Variants in CAPSL observed in about 807,000 individuals in gnomAD.
CAPSL encodes calcyphosin-like protein.
Under a neutral mutation model 21.3 loss-of-function variants are expected in CAPSL, and 17 were observed. That is an observed-to-expected ratio of 0.80 (90% CI 0.55 to 1.20). The LOEUF (loss-of-function observed/expected upper bound fraction) is 1.20. Ranked by LOEUF, CAPSL falls within the 50% of genes most tolerant of loss-of-function variation. The pLI is 0.00. For synonymous variants in CAPSL, 102 were observed against 89.3 expected (o/e 1.14, Z -0.80); for missense variants, 289 against 259.3 (o/e 1.11, Z -0.79).
intron 2 of CAPSL, 47 bp downstream of exon 2, chr5:35,920,937 G>A (rs148224785): frequency 6.3e-7 from 1 of 1,597,104 alleles, no homozygotes; most frequent in Non-Finnish European, 8.5e-7. Flanking sequence ...ACCTGGCAGA[G>A]TCATTCCTTC....
chr5:35,916,794 C>T (rs1013731265), intron 2 of CAPSL, among the ~76,000 whole-genome samples: 7 of 152,182 alleles, frequency 4.6e-5, no homozygotes, highest in Admixed American at 2.0e-4. Context: ...CCATTCAGGA[C>T]ATAGGCATGG....
intron 1 of CAPSL, among the ~76,000 whole-genome samples, chr5:35,921,673 T>G (rs1379902533): frequency 6.6e-6 from 1 of 152,120 alleles, no homozygotes; most frequent in African/African-American, 2.4e-5. Context: ...TGAAGTGCTG[T>G]CTCCTGAGTG....
intron 2 of CAPSL, among the ~76,000 whole-genome samples, chr5:35,918,409 G>A (rs1443816245): frequency 6.6e-6 from 1 of 152,134 alleles, no homozygotes; most frequent in African/African-American, 2.4e-5. Context: ...GTTCAACAAT[G>A]AGATTACGTG....
intron 2 of CAPSL, among the ~76,000 whole-genome samples, chr5:35,920,675 A>G (rs747064054): frequency 6.6e-6 from 1 of 152,140 alleles, no homozygotes; most frequent in East Asian, 1.9e-4. Flanking sequence ...AGCTGCAGAG[A>G]GAGTCCCTCT....
chr5:35,908,739 C>T (rs1738105748), intron 4 of CAPSL, among the ~76,000 whole-genome samples: 1 of 152,208 alleles, frequency 6.6e-6, no homozygotes, highest in Non-Finnish European at 1.5e-5. Context: ...CCTGCCTCCA[C>T]AATCCTCAGC....
At chr5:35,931,488 G>C (rs923418347) in intron 1 of CAPSL, among the ~76,000 whole-genome samples, 3 of 151,592 alleles carry the variant, frequency 2.0e-5, no homozygotes, top group Non-Finnish European at 4.4e-5. Context: ...CAAGGTTGTA[G>C]GGTCCTTGTC....
rs1026452999 is a variant in CAPSL, at chr5:35,925,677, A to G, written c.1-4557T>C. 1.1e-4 allele frequency among the ~76,000 whole-genome samples: 16 copies of G among 152,212 alleles called. 3 individuals are homozygous for G. The highest frequency in any genetic ancestry group is 3.9e-4 in the East Asian group (2 of 5,166). Reference sequence around the variant, plus strand: ...CGCAAAGTTTTCTTAAAAAGGGAAAAATTCTTCTTAAAAAAGGAAAAAGTC... The same window carrying G: ...CGCAAAGTTTTCTTAAAAAGGGAAAGATTCTTCTTAAAAAAGGAAAAAGTC... On this transcript the variant is annotated intron_variant, in intron 1 of 4. Transcript: ENST00000651391.
At chr5:35,934,144 T>G (rs757762499) in intron 1 of CAPSL, among the ~76,000 whole-genome samples, 2 of 152,214 alleles carry the variant, frequency 1.3e-5, no homozygotes, top group African/African-American at 2.4e-5. Context: ...AAGAGCAACA[T>G]GTTACAAGGA....
chr5:35,933,127 A>G (rs1054990900), intron 1 of CAPSL, among the ~76,000 whole-genome samples: 1 of 152,198 alleles, frequency 6.6e-6, no homozygotes, highest in Non-Finnish European at 1.5e-5. Context: ...CTCTGGCCTT[A>G]TATAGAAACA....
At chr5:35,914,835 C>G (rs1738329390) in intron 2 of CAPSL, among the ~76,000 whole-genome samples, 1 of 152,088 alleles carries the variant, frequency 6.6e-6, no homozygotes, top group Non-Finnish European at 1.5e-5. Context: ...CAAAAGCTAG[C>G]AGAAGGCAAG....
intron 2 of CAPSL, among the ~76,000 whole-genome samples, chr5:35,912,633 A>G (rs1050875335): frequency 1.3e-5 from 2 of 152,246 alleles, no homozygotes; most frequent in Non-Finnish European, 1.5e-5. Flanking sequence ...ACTCCAACAG[A>G]CCTGCAGCTG....
At chr5:35,913,444 G>A (rs925274952) in intron 2 of CAPSL, among the ~76,000 whole-genome samples, 1 of 152,098 alleles carries the variant, frequency 6.6e-6, no homozygotes. Flanking sequence ...AAAATGTTAA[G>A]GGCAGCCACA....
intron 1 of CAPSL, among the ~76,000 whole-genome samples, chr5:35,921,413 A>G (rs1321616140): frequency 6.6e-6 from 1 of 152,104 alleles, no homozygotes; most frequent in Admixed American, 6.5e-5. Context: ...AAAGAAGTGC[A>G]ATTTCTCTAT....
At chr5:35,919,382 G>T (rs1738478997) in intron 2 of CAPSL, among the ~76,000 whole-genome samples, 1 of 151,998 alleles carries the variant, frequency 6.6e-6, no homozygotes, top group Non-Finnish European at 1.5e-5. Context: ...AAATGACTAA[G>T]AAAGAACGTA....
At chr5:35,910,187 T>C (rs1248050682) in intron 3 of CAPSL, 112 bp from the exon 4 acceptor site, 2 of 1,130,012 alleles carry the variant, frequency 1.8e-6, no homozygotes, top group African/African-American at 1.6e-5. Flanking sequence ...AATATTTGTG[T>C]GCTATTATGT....
At chr5:35,935,034 A>G (rs181282831) in intron 1 of CAPSL, among the ~76,000 whole-genome samples, 126 of 152,290 alleles carry the variant, frequency 8.3e-4, no homozygotes, top group African/African-American at 2.9e-3. Flanking sequence ...TCACCTCCAC[A>G]TCATGACCTA....
chr5:35,925,796 G>T (rs1034582631), intron 1 of CAPSL, among the ~76,000 whole-genome samples: 6 of 152,118 alleles, frequency 3.9e-5, no homozygotes, highest in Admixed American at 2.0e-4. Context: ...AAGTCTTCTG[G>T]CCGGGCGCGG....
chr5:35,909,440 G>A (rs1738143761), intron 4 of CAPSL, among the ~76,000 whole-genome samples: 1 of 152,176 alleles, frequency 6.6e-6, no homozygotes, highest in Non-Finnish European at 1.5e-5. Context: ...GAAAGGCCTT[G>A]TAAATCTGTT....
chr5:35,926,642 C>G (rs1033502877), intron 1 of CAPSL, among the ~76,000 whole-genome samples: 1 of 152,118 alleles, frequency 6.6e-6, no homozygotes, highest in Non-Finnish European at 1.5e-5. Context: ...CTTTGGTGCT[C>G]CCTGGTGGCA....
Sources: allele counts gnomAD v4.1 joint callset (sites outside exome capture counted in the v4.1 genomes callset), GRCh38; gene constraint gnomAD v4.1.1; transcripts MANE v1.5; gene names NCBI Gene and HGNC (gene_info 2026-07-23, HGNC 2026-07-21).